The following RAB11FIP4 variants were observed in gnomAD, a reference collection of about 807,000 sequenced individuals.
The protein encoded by RAB11FIP4 is RAB11 family interacting protein 4.
In RAB11FIP4, 23 loss-of-function variants were observed where a neutral mutation model predicts 74.3. The ratio of observed to expected loss-of-function variants is 0.31; its 90% CI spans 0.22 to 0.44. The LOEUF (loss-of-function observed/expected upper bound fraction) is 0.44, where lower values mean the gene tolerates loss of function less well. Among genes scored for constraint, RAB11FIP4 ranks in the 20% least tolerant of loss-of-function variants. The pLI is 1.00. For synonymous variants in RAB11FIP4, 360 were observed against 359.9 expected (o/e 1.00, Z 0.00); for missense variants, 630 against 863.9 (o/e 0.73, Z 3.39).
At position 31,415,148 on chromosome 17, in the gene RAB11FIP4, C is replaced by T. The variant is rs552588112; in HGVS notation, c.160-16665C>T. Among the ~76,000 whole-genome samples, 4 of 152,356 alleles carry T rather than the reference C, an allele frequency of 2.6e-5. No homozygotes were observed. In the South Asian group the frequency reaches 6.2e-4, roughly 24 times the overall value. On this transcript the variant is annotated intron_variant, in intron 1 of 14. Transcript: ENST00000621161. ...GATGTAGAACATGCCTTTGCCTGAA[C>T]CAATCACTGGCAAGGGGGAAGAGCC...
At chr17:31,445,737 C>T (rs2071457872) in intron 3 of RAB11FIP4, among the ~76,000 whole-genome samples, 1 of 150,670 alleles carries the variant, frequency 6.6e-6, no homozygotes, top group Non-Finnish European at 1.5e-5. Flanking sequence ...AGGTGCATGC[C>T]ACCACTCCCG....
At chr17:31,528,042 C>A in intron 11 of RAB11FIP4, 119 bp downstream of exon 11, 1 of 746,676 alleles carries the variant, frequency 1.3e-6, no homozygotes, top group South Asian at 1.9e-5. Context: ...AAGTGAATAA[C>A]AACTTGTGTT....
intron 3 of RAB11FIP4, among the ~76,000 whole-genome samples, chr17:31,442,094 G>A (rs1261686614): frequency 4.0e-5 from 6 of 151,798 alleles, no homozygotes; most frequent in African/African-American, 9.7e-5. Context: ...CGCCTCCTGG[G>A]TTCACGCCAT....
At chr17:31,481,093 TGAAG>T (rs1330158791) in intron 3 of RAB11FIP4, among the ~76,000 whole-genome samples, 1 of 152,046 alleles carries the variant, frequency 6.6e-6, no homozygotes, top group African/African-American at 2.4e-5. Context: ...AATGAAAGAA[TGAAG>T]GAATGAATTA....
intron 3 of RAB11FIP4, among the ~76,000 whole-genome samples, chr17:31,436,427 G>C (rs2071357362): frequency 6.6e-6 from 1 of 151,398 alleles, no homozygotes; most frequent in Non-Finnish European, 1.5e-5. Context: ...TGGAGCCGAG[G>C]CCTGGGGAGA....
intron 3 of RAB11FIP4, among the ~76,000 whole-genome samples, chr17:31,484,346 C>T (rs1393622912): frequency 2.6e-5 from 4 of 151,466 alleles, no homozygotes; most frequent in Non-Finnish European, 5.9e-5. Flanking sequence ...GCTGGGATTA[C>T]AGGAGTGAGC....
At chr17:31,395,043 G>C (rs1350814775) in intron 1 of RAB11FIP4, among the ~76,000 whole-genome samples, 1 of 151,900 alleles carries the variant, frequency 6.6e-6, no homozygotes, top group Non-Finnish European at 1.5e-5. Flanking sequence ...CTTGTGCTCT[G>C]GGATGGATAA....
rs2142845917 is a variant in RAB11FIP4, at chr17:31,537,051, G to T, written c.*5319G>T. 2.5e-6 allele frequency: 1 copy of T among 399,368 alleles called. No homozygotes were observed. Among genetic ancestry groups the T allele is most frequent in the Non-Finnish European group, 4.4e-6 (1 of 226,252 alleles). 24.7% of individuals were successfully genotyped at this position (399,368 alleles called of 1,614,324 possible). On this transcript the variant is annotated 3_prime_UTR_variant, in exon 15 of 15. Transcript: ENST00000621161. ...ATCCAAGTGCTGTTGTCCCCAGGGT[G>T]ACCCTGCCTCCTGCTGGGGCCCATC...
rs990566101 is a variant in RAB11FIP4, at chr17:31,415,873, G to A, written c.160-15940G>A. The stretch of plus-strand genomic sequence containing the variant: ...CCCCTCTGCCTGTCCCTTCCCGGGG[G>A]AAGGCTCACCCTCAGGCCCCCTTTA... On this transcript the variant is annotated intron_variant, in intron 1 of 14. Transcript: ENST00000621161. Among the ~76,000 whole-genome samples the A allele has an allele frequency of 9.9e-5, 15 of 152,166 alleles. No homozygotes were observed. The East Asian group carries it at 2.9e-3, about 29-fold the overall frequency.
chr17:31,487,526 A>G (rs1233196687), intron 3 of RAB11FIP4, among the ~76,000 whole-genome samples: 1 of 149,746 alleles, frequency 6.7e-6, no homozygotes, highest in Non-Finnish European at 1.5e-5. Flanking sequence ...CTGGTTATGG[A>G]GATGGTTCCG....
At chr17:31,506,758 C>T (rs558158345) in intron 3 of RAB11FIP4, among the ~76,000 whole-genome samples, 21 of 152,248 alleles carry the variant, frequency 1.4e-4, no homozygotes, top group African/African-American at 4.6e-4. Context: ...TGTATATATA[C>T]ACCCCATTTT....
rs754665253 is a variant in RAB11FIP4, at chr17:31,525,158, C to T, written c.1202C>T (p.Ala401Val). Residue 401 changes from alanine to valine, a missense_variant, in exon 10 of 15, where the codon GCG becomes GTG. Coordinates refer to ENST00000621161, the MANE Select transcript of RAB11FIP4 (RefSeq NM_032932.6). ...TTAEQALEEE[A>V]RRHREAYGKL... The stretch of plus-strand genomic sequence containing the variant: ...GCCGAGCAGGCTCTGGAGGAGGAGG[C>T]GCGGCGCCACCGCGAGGCCTACGGC... 40 of 1,548,854 alleles carry T rather than the reference C, an allele frequency of 2.6e-5. No individual in the cohort carries two copies. The highest frequency in any genetic ancestry group is 2.1e-4 in the Middle Eastern group (1 of 4,778).
intron 1 of RAB11FIP4, among the ~76,000 whole-genome samples, chr17:31,403,899 G>T (rs530599085): frequency 6.6e-6 from 1 of 152,322 alleles, no homozygotes; most frequent in South Asian, 2.1e-4. Flanking sequence ...TGAGCCTGGG[G>T]TGGTCTCGGT....
intron 3 of RAB11FIP4, among the ~76,000 whole-genome samples, chr17:31,476,249 A>G (rs1475440035): frequency 3.9e-5 from 5 of 127,042 alleles, no homozygotes; most frequent in Non-Finnish European, 6.2e-5. Flanking sequence ...CAGTGGTGCA[A>G]TCTTGGCTCA....
In RAB11FIP4 at chr17:31,523,670, G is replaced by C. The variant is rs893248415; in HGVS notation, c.1029+59G>C. On this transcript the variant is annotated intron_variant, in intron 8 of 14. Transcript: ENST00000621161. ...GCATGCCTGCTCCCAGGGGAGATGG[G>C]GTGCACTCAGGCTACTGTCTGGGGA... 3 of 1,489,728 alleles carry C rather than the reference G, an allele frequency of 2.0e-6. No individual in the cohort carries two copies. In the Admixed American group the frequency reaches 5.0e-5, roughly 25 times the overall value. The allele number at this position is 1,489,728 out of a possible 1,614,324, so 92.3% of individuals were successfully genotyped here.
intron 1 of RAB11FIP4, among the ~76,000 whole-genome samples, chr17:31,410,626 G>A (rs1003967377): frequency 2.6e-5 from 4 of 152,148 alleles, no homozygotes; most frequent in African/African-American, 4.8e-5. Flanking sequence ...GCTGAAGGGG[G>A]CGGGGGCATG....
At chr17:31,430,524 A>ATT (rs369027337) in intron 1 of RAB11FIP4, among the ~76,000 whole-genome samples, 6 of 150,822 alleles carry the variant, frequency 4.0e-5, no homozygotes, top group East Asian at 2.0e-4. Context: ...CGCCCGGCTA[A>ATT]TTTTTTTTGT....
At chr17:31,393,119 G>A (rs985294569) in intron 1 of RAB11FIP4, among the ~76,000 whole-genome samples, 1 of 152,264 alleles carries the variant, frequency 6.6e-6, no homozygotes, top group Non-Finnish European at 1.5e-5. Context: ...CATGGGCCGG[G>A]ACTTGTGAGT....
At chr17:31,430,383 A>T (rs2071297606) in intron 1 of RAB11FIP4, among the ~76,000 whole-genome samples, 1 of 131,442 alleles carries the variant, frequency 7.6e-6, no homozygotes, top group South Asian at 2.4e-4. Flanking sequence ...TTTGAGACAG[A>T]GTCTTGCTCA....
Sources: allele counts gnomAD v4.1 joint callset (sites outside exome capture counted in the v4.1 genomes callset), GRCh38; gene constraint gnomAD v4.1.1; transcripts MANE v1.5; gene names NCBI Gene and HGNC (gene_info 2026-07-23, HGNC 2026-07-21).